The following OPCML variants were observed in gnomAD, a reference collection of about 807,000 sequenced individuals.
The protein encoded by OPCML is opioid binding protein/cell adhesion molecule like.
OPCML carries 13 observed loss-of-function variants against 37.8 expected under a neutral mutation model. The ratio of observed to expected loss-of-function variants is 0.34; its 90% CI spans 0.22 to 0.55. OPCML has a LOEUF of 0.55. Among genes scored for constraint, OPCML ranks in the 20% least tolerant of loss-of-function variants. OPCML has a pLI of 0.91. For synonymous variants in OPCML, 176 were observed against 168.8 expected (o/e 1.04, Z -0.33); for missense variants, 341 against 435.6 (o/e 0.78, Z 1.93).
chr11:133,014,421 A>C (rs1425276744), intron 1 of OPCML, among the ~76,000 whole-genome samples: 1 of 152,098 alleles, frequency 6.6e-6, no homozygotes, highest in Non-Finnish European at 1.5e-5. Context: ...TACGGTTGCA[A>C]GATATTCTGT....
In OPCML at chr11:133,308,980, A is replaced by G. The variant is rs371594579; in HGVS notation, c.61+223284T>C. 3.4e-4 allele frequency among the ~76,000 whole-genome samples: 52 copies of G among 152,330 alleles called. No homozygotes were observed. The South Asian group carries it at 0.011, about 32-fold the overall frequency. Reference sequence around the variant, plus strand: ...GATATAAACGAATAAGTGAACACTTAAATAAATGGAGGAGTAGACCATTCT... The same window carrying G: ...GATATAAACGAATAAGTGAACACTTGAATAAATGGAGGAGTAGACCATTCT... On this transcript the variant is annotated intron_variant, in intron 1 of 7. Transcript: ENST00000524381.
chr11:132,640,917 C>G (rs1364062262), intron 3 of OPCML, among the ~76,000 whole-genome samples: 1 of 152,166 alleles, frequency 6.6e-6, no homozygotes, highest in African/African-American at 2.4e-5. Context: ...CACTGCACCT[C>G]CTGGGAAGGC....
At chr11:132,850,516 G>GGTGTGT (rs66934308) in intron 2 of OPCML, among the ~76,000 whole-genome samples, 129 of 148,120 alleles carry the variant, frequency 8.7e-4, no homozygotes, top group African/African-American at 3.0e-3. Context: ...CTGTGGAAAG[G>GGTGTGT]GTGTGTGTGT....
At position 132,614,849 on chromosome 11, in the gene OPCML, A is replaced by G. The variant is rs182477128; in HGVS notation, c.379+42238T>C. 2.6e-5 allele frequency among the ~76,000 whole-genome samples: 4 copies of G among 152,302 alleles called. No homozygotes were observed. The East Asian group carries it at 5.8e-4, about 22-fold the overall frequency. ...TTCATAAGCTGGAAAGTCCAATAAC[A>G]TACTGAGATTTACGTTTTTGTCACT... On this transcript the variant is annotated intron_variant, in intron 3 of 7. Coordinates refer to ENST00000524381, the MANE Select transcript of OPCML (RefSeq NM_001012393.5).
At chr11:133,203,847 A>G (rs909541701) in intron 1 of OPCML, among the ~76,000 whole-genome samples, 4 of 152,104 alleles carry the variant, frequency 2.6e-5, no homozygotes, top group Non-Finnish European at 5.9e-5. Context: ...TCACGAGGTC[A>G]GGAGATGGAG....
intron 1 of OPCML, among the ~76,000 whole-genome samples, chr11:133,397,601 G>A (rs1415932757): frequency 6.6e-6 from 1 of 152,236 alleles, no homozygotes; most frequent in Non-Finnish European, 1.5e-5. Context: ...ATTTGGATCT[G>A]AGTTAGTGCC....
intron 1 of OPCML, among the ~76,000 whole-genome samples, chr11:133,402,372 T>A (rs1945424625): frequency 6.6e-6 from 1 of 152,164 alleles, no homozygotes; most frequent in African/African-American, 2.4e-5. Flanking sequence ...CATTGTTGCA[T>A]CGGGGATTTA....
chr11:133,377,996 G>A (rs751162892), intron 1 of OPCML, among the ~76,000 whole-genome samples: 11 of 152,236 alleles, frequency 7.2e-5, no homozygotes, highest in South Asian at 2.1e-4. Context: ...AGTTTAATAC[G>A]CCATATTGAG....
At chr11:133,179,719 C>G (rs1224943322) in intron 1 of OPCML, among the ~76,000 whole-genome samples, 1 of 152,070 alleles carries the variant, frequency 6.6e-6, no homozygotes, top group Non-Finnish European at 1.5e-5. Context: ...ACACAAAAGT[C>G]CAAGTCAGGA....
intron 1 of OPCML, among the ~76,000 whole-genome samples, chr11:133,151,847 G>C (rs1472441559): frequency 6.6e-6 from 1 of 152,072 alleles, no homozygotes; most frequent in East Asian, 1.9e-4. Context: ...CCCCAAGGCT[G>C]AAAAAAGACC....
chr11:132,580,763 T>C (rs1388064692), intron 3 of OPCML, among the ~76,000 whole-genome samples: 1 of 152,182 alleles, frequency 6.6e-6, no homozygotes, highest in Non-Finnish European at 1.5e-5. Flanking sequence ...CTTTACTCAC[T>C]TCTCAGTGGC....
chr11:133,004,324 T>G, intron 1 of OPCML: 1 of 985,470 alleles, frequency 1.0e-6, no homozygotes, highest in South Asian at 4.7e-5. Flanking sequence ...TATTTTATTT[T>G]GTGGGTCCTT....
At chr11:132,757,550 A>G (rs1946097946) in intron 2 of OPCML, among the ~76,000 whole-genome samples, 1 of 152,210 alleles carries the variant, frequency 6.6e-6, no homozygotes, top group Non-Finnish European at 1.5e-5. Context: ...TCTAATGACC[A>G]GTGATGATGA....
chr11:132,753,044 T>C (rs941831320), intron 2 of OPCML, among the ~76,000 whole-genome samples: 3 of 152,156 alleles, frequency 2.0e-5, no homozygotes, highest in African/African-American at 7.2e-5. Context: ...AAATTCAGTA[T>C]AGTTGATAGG....
intron 2 of OPCML, among the ~76,000 whole-genome samples, chr11:132,871,213 T>TA (rs61664798): frequency 0.038 from 5,403 of 144,020 alleles, 142 homozygotes; most frequent in East Asian, 0.13. Flanking sequence ...TAACTTAATT[T>TA]AAAAAAAAAA....
intron 1 of OPCML, chr11:133,008,506 G>T: frequency 1.2e-6 from 1 of 862,868 alleles, no homozygotes; most frequent in Non-Finnish European, 1.4e-6. Context: ...TTCTCCAGGT[G>T]CCAGGAATAT....
chr11:132,659,704 CTGTGTG>C (rs58318033), intron 2 of OPCML, among the ~76,000 whole-genome samples: 5 of 147,232 alleles, frequency 3.4e-5, no homozygotes, highest in African/African-American at 7.4e-5. Context: ...CACAAAATTC[CTGTGTG>C]TGTGTGTGTG....
chr11:133,201,302 A>T (rs1433564646), intron 1 of OPCML, among the ~76,000 whole-genome samples: 7 of 79,332 alleles, frequency 8.8e-5, no homozygotes, highest in Admixed American at 8.7e-4. Context: ...AAAACAATGC[A>T]TGCTTTTTTT....
intron 4 of OPCML, among the ~76,000 whole-genome samples, chr11:132,516,414 C>CT (rs1008278401): frequency 1.5e-4 from 23 of 151,938 alleles, no homozygotes; most frequent in Non-Finnish European, 2.6e-4. Flanking sequence ...CTGTCTTCCC[C>CT]TTTTTTTTCT....
Sources: allele counts gnomAD v4.1 joint callset (sites outside exome capture counted in the v4.1 genomes callset), GRCh38; gene constraint gnomAD v4.1.1; transcripts MANE v1.5; gene names NCBI Gene and HGNC (gene_info 2026-07-23, HGNC 2026-07-21).